VIT: variants seen among roughly 807,000 people sequenced by gnomAD.
The protein encoded by VIT is vitrin.
VIT carries 99 observed loss-of-function variants against 78.0 expected under a neutral mutation model. The ratio of observed to expected loss-of-function variants is 1.27; its 90% CI spans 1.08 to 1.50. VIT has a LOEUF of 1.50. Among genes scored for constraint, VIT ranks in the 40% most tolerant of loss-of-function variants. The pLI, the probability that VIT is intolerant of heterozygous loss-of-function variation, is 0.00. For synonymous variants in VIT, 374 were observed against 334.3 expected (o/e 1.12, Z -1.29); for missense variants, 1,126 against 875.3 (o/e 1.29, Z -3.61).
At chr2:36,723,867 C>T (rs1195083720) in intron 2 of VIT, among the ~76,000 whole-genome samples, 1 of 150,336 alleles carries the variant, frequency 6.7e-6, no homozygotes, top group Non-Finnish European at 1.5e-5. Flanking sequence ...AGGAGGATCC[C>T]TTGAGCCCAG....
chr2:36,801,775 GA>G (rs1302575854), intron 13 of VIT, among the ~76,000 whole-genome samples: 38 of 141,720 alleles, frequency 2.7e-4, no homozygotes, highest in Admixed American at 5.6e-4. Context: ...GACTCCATCT[GA>G]AAAAAAAAAA....
chr2:36,800,861 G>T (rs768431483), intron 12 of VIT, among the ~76,000 whole-genome samples: 13 of 152,166 alleles, frequency 8.5e-5, no homozygotes, highest in Non-Finnish European at 1.9e-4. Flanking sequence ...TGCAATTCCA[G>T]TGCTAAGGGT....
chr2:36,716,168 A>G (rs1426195575), intron 1 of VIT, among the ~76,000 whole-genome samples, 185 bp from the exon 2 acceptor site: 1 of 152,204 alleles, frequency 6.6e-6, no homozygotes, highest in Non-Finnish European at 1.5e-5. Flanking sequence ...TGAGAATAGC[A>G]TCTCTGGGTA....
intron 1 of VIT, among the ~76,000 whole-genome samples, chr2:36,705,162 C>T (rs193178766): frequency 1.3e-5 from 2 of 152,186 alleles, no homozygotes; most frequent in African/African-American, 4.8e-5. Flanking sequence ...AAACCACTCA[C>T]GGTTTCCAGG....
intron 6 of VIT, among the ~76,000 whole-genome samples, chr2:36,760,037 C>G (rs1322844768): frequency 6.6e-6 from 1 of 151,574 alleles, no homozygotes; most frequent in Non-Finnish European, 1.5e-5. Context: ...ACTCTGTTGC[C>G]AGGCTGGAGT....
intron 3 of VIT, among the ~76,000 whole-genome samples, chr2:36,742,151 C>T (rs554822139): frequency 4.3e-4 from 66 of 152,238 alleles, no homozygotes; most frequent in Non-Finnish European, 8.2e-4. Context: ...GTAAAGTGTC[C>T]TCTAGGGGAC....
intron 2 of VIT, among the ~76,000 whole-genome samples, chr2:36,724,193 A>T (rs1485895294): frequency 2.0e-5 from 3 of 151,976 alleles, no homozygotes; most frequent in African/African-American, 7.3e-5. Context: ...TAATTTTTGT[A>T]TTTTTAGTAG....
chr2:36,727,097 T>C (rs1666902025), intron 2 of VIT, among the ~76,000 whole-genome samples: 1 of 152,116 alleles, frequency 6.6e-6, no homozygotes, highest in Non-Finnish European at 1.5e-5. Flanking sequence ...CTATCTGCAG[T>C]TGCCTCGATG....
intron 2 of VIT, among the ~76,000 whole-genome samples, chr2:36,721,095 A>G (rs1666479604): frequency 6.6e-6 from 1 of 152,210 alleles, no homozygotes; most frequent in Non-Finnish European, 1.5e-5. Flanking sequence ...TACAGCTTAT[A>G]AAACCGCATT....
intron 12 of VIT, among the ~76,000 whole-genome samples, chr2:36,799,374 C>T (rs1385729886): frequency 6.6e-6 from 1 of 152,196 alleles, no homozygotes; most frequent in Non-Finnish European, 1.5e-5. Context: ...CCCACAACCG[C>T]TTCTTCCTGG....
At chr2:36,771,257 C>T (rs531426242) in intron 7 of VIT, among the ~76,000 whole-genome samples, 2 of 152,278 alleles carry the variant, frequency 1.3e-5, no homozygotes, top group East Asian at 1.9e-4. Context: ...TTGCCGGTCC[C>T]GGTGGCTCAC....
rs1036782524 is a variant in VIT, at chr2:36,760,480, G to A, written c.487+1434G>A. Among the ~76,000 whole-genome samples the A allele has an allele frequency of 5.9e-5, 9 of 152,274 alleles. No homozygotes were observed. In the East Asian group the frequency reaches 7.7e-4, roughly 13 times the overall value. ...TTTGTTTAGTTTCAAGGATAGAGCT[G>A]TTCCCCACCTCCACCCGTGAACTGG... On this transcript the variant is annotated intron_variant, in intron 6 of 15. Transcript: ENST00000379242.
intron 2 of VIT, among the ~76,000 whole-genome samples, chr2:36,724,408 G>T (rs1037430694): frequency 6.6e-6 from 1 of 152,192 alleles, no homozygotes; most frequent in Admixed American, 6.5e-5. Context: ...TTTGCACTTT[G>T]AAGTGGGCAT....
intron 14 of VIT, among the ~76,000 whole-genome samples, chr2:36,807,090 C>T (rs1165060852): frequency 2.6e-5 from 4 of 152,186 alleles, no homozygotes; most frequent in African/African-American, 7.2e-5. Flanking sequence ...GATCTCTCTC[C>T]CTCCTCTTTC....
chr2:36,700,826 A>C (rs987372523), intron 1 of VIT, among the ~76,000 whole-genome samples: 2 of 152,086 alleles, frequency 1.3e-5, no homozygotes, highest in South Asian at 4.1e-4. Context: ...TTCATATATC[A>C]ATTCATTTAA....
intron 11 of VIT, 37 bp from the exon 12 acceptor site, chr2:36,787,092 G>T: frequency 3.1e-6 from 5 of 1,611,998 alleles, no homozygotes; most frequent in Non-Finnish European, 4.2e-6. Flanking sequence ...TGCAGTGAGA[G>T]ATCATGAGAA....
chr2:36,773,852 G>T lies in VIT; in HGVS notation c.736+5G>T. 2 of 1,591,112 alleles carry T rather than the reference G, an allele frequency of 1.3e-6. No homozygotes were observed. The highest frequency in any genetic ancestry group is 1.7e-5 in the Admixed American group (1 of 59,326). ...ACAGGCCCAGAGCTGATCCAGGTAA[G>T]ACCTTAAACTCCCTTTCCAGCCACT... On this transcript the variant is annotated splice_donor_5th_base_variant and intron_variant, in intron 8 of 15. Transcript: ENST00000379242.
At chr2:36,800,111 C>G (rs1401922591) in intron 12 of VIT, among the ~76,000 whole-genome samples, 9 of 150,488 alleles carry the variant, frequency 6.0e-5, no homozygotes, top group African/African-American at 2.2e-4. Flanking sequence ...CTCTGGGAGG[C>G]CAAGGCAGGT....
At chr2:36,746,604 T>C (rs1668151308) in intron 4 of VIT, among the ~76,000 whole-genome samples, 1 of 152,176 alleles carries the variant, frequency 6.6e-6, no homozygotes, top group Non-Finnish European at 1.5e-5. Flanking sequence ...TTCAAAATAG[T>C]TTCTGAAGAA....
Sources: allele counts gnomAD v4.1 joint callset (sites outside exome capture counted in the v4.1 genomes callset), GRCh38; gene constraint gnomAD v4.1.1; transcripts MANE v1.5; gene names NCBI Gene and HGNC (gene_info 2026-07-23, HGNC 2026-07-21).